Variants in TMEM108 observed in about 807,000 individuals in gnomAD.
TMEM108 encodes transmembrane protein 108.
TMEM108 carries 12 observed loss-of-function variants against 35.1 expected under a neutral mutation model. The ratio of observed to expected loss-of-function variants is 0.34; its 90% confidence interval spans 0.22 to 0.55. The LOEUF is 0.55. TMEM108 is among the 20% of genes least tolerant of loss of function. TMEM108 has a pLI of 0.89. For synonymous variants in TMEM108, 287 were observed against 308.6 expected, an observed-to-expected ratio of 0.93 and a Z score of 0.73; for missense variants, 680 against 753.3, an observed-to-expected ratio of 0.90 and a Z score of 1.14.
intron 3 of TMEM108, among the ~76,000 whole-genome samples, chr3:133,280,404 G>A (rs35186564): frequency 0.14 from 20,891 of 152,094 alleles, 1,528 homozygotes; most frequent in South Asian, 0.22. Flanking sequence ...AATCACAGGC[G>A]GTAGATGTTG....
intron 3 of TMEM108, among the ~76,000 whole-genome samples, chr3:133,350,113 T>A (rs2071945836): frequency 1.3e-5 from 2 of 152,140 alleles, no homozygotes; most frequent in African/African-American, 4.8e-5. Flanking sequence ...GGAAATCCTG[T>A]CCTTTGCAAC....
chr3:133,040,206 G>GT (rs375124979), intron 1 of TMEM108, among the ~76,000 whole-genome samples: 46,669 of 129,392 alleles, frequency 0.36, 8,654 homozygotes, highest in Admixed American at 0.44. Flanking sequence ...TTGTTTGTTT[G>GT]TTTTTTTTTT....
intron 4 of TMEM108, among the ~76,000 whole-genome samples, chr3:133,383,998 A>T (rs1372581409): frequency 6.6e-6 from 1 of 152,170 alleles, no homozygotes; most frequent in Admixed American, 6.5e-5. Context: ...GAGGGCCATT[A>T]AGGTGGAAGA....
At chr3:133,352,412 A>G (rs552380795) in intron 3 of TMEM108, among the ~76,000 whole-genome samples, 2 of 152,198 alleles carry the variant, frequency 1.3e-5, no homozygotes, top group East Asian at 1.9e-4. Flanking sequence ...GTGTTCTACA[A>G]TTTAACTCAA....
chr3:133,306,335 C>A (rs2071036121), intron 3 of TMEM108, among the ~76,000 whole-genome samples: 1 of 152,074 alleles, frequency 6.6e-6, no homozygotes, highest in Non-Finnish European at 1.5e-5. Context: ...CTAGTTATCC[C>A]AGCATCATTG....
chr3:133,250,865 A>G (rs946328418), intron 3 of TMEM108, among the ~76,000 whole-genome samples: 1 of 152,146 alleles, frequency 6.6e-6, no homozygotes, highest in Non-Finnish European at 1.5e-5. Flanking sequence ...TTTCAACTCT[A>G]AATTTACTTT....
At chr3:133,220,560 C>T (rs1360725630) in intron 2 of TMEM108, among the ~76,000 whole-genome samples, 1 of 152,070 alleles carries the variant, frequency 6.6e-6, no homozygotes, top group African/African-American at 2.4e-5. Flanking sequence ...AAAAAATATT[C>T]AAATAAATAC....
intron 2 of TMEM108, among the ~76,000 whole-genome samples, chr3:133,150,685 T>C (rs1171802120): frequency 3.3e-5 from 5 of 152,102 alleles, no homozygotes; most frequent in Admixed American, 3.3e-4. Context: ...AGCTTAGCTT[T>C]AAAAAAAGCC....
intron 2 of TMEM108, among the ~76,000 whole-genome samples, chr3:133,167,850 G>A (rs972711986): frequency 8.5e-5 from 13 of 152,180 alleles, no homozygotes; most frequent in Non-Finnish European, 1.3e-4. Flanking sequence ...ACAGTGCAGC[G>A]GCGGGCTGGG....
intron 1 of TMEM108, among the ~76,000 whole-genome samples, chr3:133,042,772 T>C (rs945256275): frequency 1.3e-5 from 2 of 152,192 alleles, no homozygotes; most frequent in African/African-American, 4.8e-5. Context: ...CAGAGCTAGT[T>C]AGTGGCAGAG....
rs376775985 is a variant in TMEM108 at position 133,072,670 on chromosome 3, C to T, written c.-47+26650C>T. ...AACAGCTTTATTGAGTTATAATTTA[C>T]GTATTATAAAATGCACCTTTTAAAA... On this transcript the variant is annotated intron_variant, in intron 2 of 5. Coordinates refer to ENST00000321871, the MANE Select transcript of TMEM108 (RefSeq NM_023943.4). Among the ~76,000 whole-genome samples, 434 of 152,144 alleles carry T rather than the reference C, an allele frequency of 2.9e-3. 5 individuals are homozygous for T. In the South Asian group the frequency reaches 0.04, roughly 14 times the overall value.
chr3:133,300,399 A>G (rs1453545831), intron 3 of TMEM108, among the ~76,000 whole-genome samples: 1 of 152,012 alleles, frequency 6.6e-6, no homozygotes, highest in Non-Finnish European at 1.5e-5. Context: ...CTGTTTTTTT[A>G]CTTTGGCGGC....
chr3:133,106,186 T>G (rs944212370), intron 2 of TMEM108, among the ~76,000 whole-genome samples: 1 of 151,414 alleles, frequency 6.6e-6, no homozygotes, highest in African/African-American at 2.4e-5. Flanking sequence ...TTTTTTTTTT[T>G]TTTTTTTTTT....
At chr3:133,079,311 G>T (rs1478651560) in intron 2 of TMEM108, among the ~76,000 whole-genome samples, 1 of 152,118 alleles carries the variant, frequency 6.6e-6, no homozygotes, top group East Asian at 1.9e-4. Flanking sequence ...TGATTCTTTG[G>T]GGATTGTTGA....
chr3:133,260,304 AT>A (rs1034898878), intron 3 of TMEM108, among the ~76,000 whole-genome samples: 1 of 133,406 alleles, frequency 7.5e-6, no homozygotes, highest in African/African-American at 2.9e-5. Context: ...AAAAAAAAAA[AT>A]TTATTATCAG....
At chr3:133,315,292 A>G (rs2071183399) in intron 3 of TMEM108, among the ~76,000 whole-genome samples, 1 of 152,244 alleles carries the variant, frequency 6.6e-6, no homozygotes, top group Non-Finnish European at 1.5e-5. Context: ...CCCGCAATAA[A>G]GAGAAGCCGC....
chr3:133,340,326 A>G (rs2071622770), intron 3 of TMEM108, among the ~76,000 whole-genome samples: 1 of 151,860 alleles, frequency 6.6e-6, no homozygotes, highest in African/African-American at 2.4e-5. Flanking sequence ...AATAAATTGG[A>G]AAATCTAGAA....
intron 4 of TMEM108, chr3:133,388,848 C>T: frequency 4.1e-6 from 4 of 985,898 alleles, no homozygotes; most frequent in Non-Finnish European, 4.8e-6. Context: ...CACACCCTGG[C>T]ATGAACCCAC....
intron 3 of TMEM108, among the ~76,000 whole-genome samples, chr3:133,349,102 C>A (rs984647131): frequency 1.3e-5 from 2 of 152,044 alleles, no homozygotes; most frequent in African/African-American, 2.4e-5. Context: ...AGAAAATATA[C>A]AGGTGAGCAA....
Sources: allele counts gnomAD v4.1 joint callset (sites outside exome capture counted in the v4.1 genomes callset), GRCh38; gene constraint gnomAD v4.1.1; transcripts MANE v1.5; gene names NCBI Gene and HGNC (gene_info 2026-07-23, HGNC 2026-07-21).